HPGDS: variants seen among roughly 807,000 people sequenced by gnomAD.
The protein encoded by HPGDS is hematopoietic prostaglandin D synthase.
Under a neutral mutation model 23.1 loss-of-function variants are expected in HPGDS, and 26 were observed. The ratio of observed to expected loss-of-function variants is 1.13; its 90% CI spans 0.83 to 1.56. The LOEUF (loss-of-function observed/expected upper bound fraction) is 1.56. HPGDS is among the 40% of genes most tolerant of loss of function. The pLI, the probability that HPGDS is intolerant of heterozygous loss-of-function variation, is 0.00. For synonymous variants in HPGDS, 95 were observed against 77.9 expected (o/e 1.22, Z -1.16); for missense variants, 268 against 236.4 (o/e 1.13, Z -0.88).
At chr4:94,336,320 T>C (rs555797850) in intron 1 of HPGDS, among the ~76,000 whole-genome samples, 3 of 152,146 alleles carry the variant, frequency 2.0e-5, no homozygotes, top group African/African-American at 7.2e-5. Flanking sequence ...TGGAGTCTAG[T>C]GGGAAGAGGA....
intron 2 of HPGDS, among the ~76,000 whole-genome samples, chr4:94,324,639 T>C (rs1240857470): frequency 6.6e-6 from 1 of 152,174 alleles, no homozygotes; most frequent in Non-Finnish European, 1.5e-5. Context: ...CTACACTGTT[T>C]ATTCTAATTA....
chr4:94,322,989 T>C (rs11939301), intron 2 of HPGDS, among the ~76,000 whole-genome samples: 3,763 of 152,202 alleles, frequency 0.025, 100 homozygotes, highest in African/African-American at 0.074. Context: ...TTTCAAAGAA[T>C]ATGTTTATTT....
At chr4:94,338,661 G>C (rs1166339091) in intron 1 of HPGDS, among the ~76,000 whole-genome samples, 2 of 152,102 alleles carry the variant, frequency 1.3e-5, no homozygotes, top group East Asian at 3.9e-4. Flanking sequence ...ATCAATAAAA[G>C]CATTTTCTTT....
intron 2 of HPGDS, among the ~76,000 whole-genome samples, chr4:94,319,933 C>G (rs772984168): frequency 4.3e-4 from 65 of 152,078 alleles, no homozygotes; most frequent in Non-Finnish European, 8.2e-4. Flanking sequence ...TGCAACAGGC[C>G]CCAGTGTGTG....
chr4:94,317,944 G>C lies in HPGDS; in HGVS notation c.155C>G (p.Pro52Arg), dbSNP rs777653282. ...AGTAAGTCCATCAACTTCCAAAATG[G>C]GGATTTTTCCAAATGGGAGAGCTTA... The part of the protein sequence containing the change: ...IKSTLPFGKI[P>R]ILEVDGLTLH... Residue 52 changes from proline to arginine, a missense_variant, in exon 3 of 6, where the codon CCC becomes CGC. Coordinates refer to ENST00000295256, the MANE Select transcript of HPGDS (RefSeq NM_014485.3). 6.2e-7 allele frequency: 1 copy of C among 1,610,098 alleles called. No individual in the cohort carries two copies. Among genetic ancestry groups the C allele is most frequent in the South Asian group, 1.1e-5 (1 of 90,232 alleles).
At chr4:94,329,217 T>C (rs1280123182) in intron 2 of HPGDS, among the ~76,000 whole-genome samples, 1 of 152,242 alleles carries the variant, frequency 6.6e-6, no homozygotes, top group South Asian at 2.1e-4. Context: ...AACAACCTTA[T>C]GAAGTAGGTG....
chr4:94,313,768 G>A (rs2126038688), intron 3 of HPGDS, among the ~76,000 whole-genome samples: 1 of 152,224 alleles, frequency 6.6e-6, no homozygotes, highest in South Asian at 2.1e-4. Context: ...ATCACTTTCA[G>A]GTACACCAAT....
intron 1 of HPGDS, among the ~76,000 whole-genome samples, chr4:94,339,711 T>C (rs760977213): frequency 5.9e-5 from 9 of 152,150 alleles, no homozygotes; most frequent in Non-Finnish European, 1.0e-4. Context: ...TTTTTTTACT[T>C]TATAGAATGC....
chr4:94,327,795 A>C (rs1756662931), intron 2 of HPGDS, among the ~76,000 whole-genome samples: 1 of 152,124 alleles, frequency 6.6e-6, no homozygotes, highest in Non-Finnish European at 1.5e-5. Flanking sequence ...CACAACACTT[A>C]AGTGAAGCCA....
chr4:94,324,738 G>A lies in HPGDS; in HGVS notation c.134-6773C>T, dbSNP rs145279208. On this transcript the variant is annotated intron_variant, in intron 2 of 5. Transcript: ENST00000295256. Reference sequence around the variant, plus strand: ...TAGCTCAGAGAAGTTTGTTACTACCGACCTTCTGAAGCCTACTTATGTCAA... The same window carrying A: ...TAGCTCAGAGAAGTTTGTTACTACCAACCTTCTGAAGCCTACTTATGTCAA... Among the ~76,000 whole-genome samples, 1,504 of 152,152 alleles carry A rather than the reference G, an allele frequency of 9.9e-3. 12 individuals carry two copies. The highest frequency in any genetic ancestry group is 0.016 in the Non-Finnish European group (1,100 of 67,998).
chr4:94,317,261 G>A (rs777920086), intron 3 of HPGDS, among the ~76,000 whole-genome samples: 23 of 152,076 alleles, frequency 1.5e-4, no homozygotes, highest in Non-Finnish European at 2.6e-4. Context: ...ATAGTTTGAG[G>A]GAAGAGAGAA....
At chr4:94,305,365 T>C (rs1019898061) in intron 4 of HPGDS, among the ~76,000 whole-genome samples, 2 of 152,052 alleles carry the variant, frequency 1.3e-5, no homozygotes, top group East Asian at 1.9e-4. Flanking sequence ...CCTATATATA[T>C]ACGTGTGTGT....
chr4:94,332,632 G>A (rs1420031436), intron 2 of HPGDS, among the ~76,000 whole-genome samples: 1 of 152,220 alleles, frequency 6.6e-6, no homozygotes, highest in African/African-American at 2.4e-5. Context: ...CTCCCACAAG[G>A]GATTGAGTGC....
rs557691889 is a variant in HPGDS at position 94,323,733 on chromosome 4, T to C, written c.134-5768A>G. On this transcript the variant is annotated intron_variant, in intron 2 of 5. Transcript: ENST00000295256. ...TCTTTATCCAGTTTGCCAGTCTGTG[T>C]CTTTTAATTGGAGCATTTAGGCCAT... Among the ~76,000 whole-genome samples, 3 of 152,314 alleles carry C rather than the reference T, an allele frequency of 2.0e-5. No homozygotes were observed. The South Asian group carries it at 6.2e-4, about 32-fold the overall frequency.
At chr4:94,331,083 A>C (rs1266329308) in intron 2 of HPGDS, among the ~76,000 whole-genome samples, 2 of 152,228 alleles carry the variant, frequency 1.3e-5, no homozygotes, top group African/African-American at 4.8e-5. Flanking sequence ...TTGAACACTC[A>C]GCAGTATATG....
chr4:94,327,110 G>A (rs968318309), intron 2 of HPGDS, among the ~76,000 whole-genome samples: 2 of 152,012 alleles, frequency 1.3e-5, no homozygotes, highest in Admixed American at 6.5e-5. Context: ...TGGCCTGGGT[G>A]TGTGGATTCC....
Position 94,299,378 on chromosome 4 carries a change from TG to T in HPGDS, c.*101del. On this transcript the variant is annotated 3_prime_UTR_variant, in exon 6 of 6. Coordinates refer to ENST00000295256, the MANE Select transcript of HPGDS (RefSeq NM_014485.3). ...GCTAAAGTGAAAATCTTAGTGGAGC[TG>T]GGGAGGGAGCATGTGGATTATCTGG... 2.1e-6 allele frequency: 2 copies of T among 955,638 alleles called. No homozygotes were observed. The highest frequency in any genetic ancestry group is 3.0e-6 in the Non-Finnish European group (2 of 662,684). 59.2% of individuals were successfully genotyped at this position (955,638 alleles called of 1,614,324 possible).
intron 1 of HPGDS, among the ~76,000 whole-genome samples, chr4:94,336,638 A>G (rs886261991): frequency 6.6e-6 from 1 of 152,196 alleles, no homozygotes; most frequent in Non-Finnish European, 1.5e-5. Context: ...TTACAGCCAT[A>G]AATTTCTTTC....
chr4:94,312,430 T>G (rs1560587006), intron 3 of HPGDS, among the ~76,000 whole-genome samples: 1 of 152,224 alleles, frequency 6.6e-6, no homozygotes, highest in Non-Finnish European at 1.5e-5. Flanking sequence ...TTGTTCAGTT[T>G]ACATGTAGTT....
Sources: gnomAD v4.1 joint callset for allele counts (sites outside exome capture counted in the v4.1 genomes callset) on GRCh38, gnomAD v4.1.1 for gene constraint, MANE v1.5 for transcripts, NCBI Gene and HGNC (gene_info 2026-07-23, HGNC 2026-07-21) for gene names.